The following AFF1 variants were observed in gnomAD, a reference collection of about 807,000 sequenced individuals.
The protein encoded by AFF1 is ALF transcription elongation factor 1, also known as AF4/FMR2 family member 1.
Under a neutral mutation model 121.7 loss-of-function variants are expected in AFF1, and 48 were observed. The observed-to-expected ratio is 0.39, with a 90% confidence interval of 0.31 to 0.50. The LOEUF (loss-of-function observed/expected upper bound fraction) is 0.50. Ranked by LOEUF, AFF1 falls within the 20% of genes least tolerant of loss-of-function variation. The probability of loss-of-function intolerance (pLI) is 0.76; values close to 1 mark genes in which losing one functional copy is unlikely to be tolerated. For synonymous variants in AFF1, 613 were observed against 563.0 expected, an observed-to-expected ratio of 1.09 and a Z score of -1.26; for missense variants, 1,523 against 1,511.7, an observed-to-expected ratio of 1.01 and a Z score of -0.12.
chr4:86,989,054 T>G (rs976547589), intron 2 of AFF1, among the ~76,000 whole-genome samples: 2 of 152,136 alleles, frequency 1.3e-5, no homozygotes, highest in Non-Finnish European at 2.9e-5. Flanking sequence ...GATTAAAGAC[T>G]TAAACATAAG....
At chr4:86,994,649 T>C (rs10015544) in intron 2 of AFF1, among the ~76,000 whole-genome samples, 6,303 of 152,276 alleles carry the variant, frequency 0.041, 173 homozygotes, top group Middle Eastern at 0.1. Flanking sequence ...TGACTTGATA[T>C]GCATGAGAAC....
intron 5 of AFF1, 128 bp downstream of exon 5, chr4:87,084,292 A>C: frequency 4.0e-6 from 4 of 989,008 alleles, no homozygotes; most frequent in Non-Finnish European, 6.2e-6. Flanking sequence ...TAATCCTAGC[A>C]CTTTGGGAGG....
chr4:87,132,442 A>T, intron 19 of AFF1, 34 bp downstream of exon 19: 1 of 1,560,490 alleles, frequency 6.4e-7, no homozygotes, highest in Non-Finnish European at 8.6e-7. Context: ...AATTTCCAGA[A>T]TTGAGTCATT....
intron 4 of AFF1, among the ~76,000 whole-genome samples, chr4:87,056,970 T>C (rs1161234197): frequency 2.6e-5 from 4 of 152,246 alleles, no homozygotes; most frequent in Non-Finnish European, 5.9e-5. Context: ...TGTCCAAGCT[T>C]CTGGAGGCTT....
chr4:87,070,645 C>G (rs775400206), intron 4 of AFF1, among the ~76,000 whole-genome samples: 55 of 152,254 alleles, frequency 3.6e-4, no homozygotes, highest in African/African-American at 1.3e-3. Flanking sequence ...AAGAAACTTA[C>G]AATTTAAGTC....
At chr4:87,121,995 C>T (rs980233425) in intron 12 of AFF1, among the ~76,000 whole-genome samples, 7 of 152,230 alleles carry the variant, frequency 4.6e-5, no homozygotes, top group African/African-American at 1.7e-4. Context: ...CATTTCACTG[C>T]TAGACTTTGG....
intron 2 of AFF1, among the ~76,000 whole-genome samples, chr4:86,990,321 TAAA>T (rs5860049): frequency 7.6e-5 from 10 of 132,228 alleles, no homozygotes; most frequent in African/African-American, 1.4e-4. Flanking sequence ...TGTCCCTATT[TAAA>T]AAAAAAAAAA....
chr4:87,005,564 A>G (rs548922719), intron 2 of AFF1, among the ~76,000 whole-genome samples: 28 of 152,334 alleles, frequency 1.8e-4, no homozygotes, highest in South Asian at 6.2e-4. Flanking sequence ...ACAGTTTGTG[A>G]ATTGTTCTTT....
chr4:86,972,724 G>C (rs1723031566), intron 2 of AFF1, among the ~76,000 whole-genome samples: 1 of 152,008 alleles, frequency 6.6e-6, no homozygotes, highest in African/African-American at 2.4e-5. Context: ...ATTTTTAGTA[G>C]AGACAGGGTT....
intron 2 of AFF1, among the ~76,000 whole-genome samples, chr4:86,975,927 A>G (rs1414511334): frequency 1.3e-5 from 2 of 152,218 alleles, no homozygotes; most frequent in Admixed American, 6.5e-5. Flanking sequence ...GAGGGTCAGG[A>G]TTGGCCTCTT....
intron 11 of AFF1, among the ~76,000 whole-genome samples, chr4:87,110,898 A>C (rs1726431918): frequency 6.6e-6 from 1 of 152,194 alleles, no homozygotes; most frequent in South Asian, 2.1e-4. Context: ...ACGCAGAGGA[A>C]GAAATGAAAG....
At chr4:87,131,394 A>G (rs1457625253) in intron 17 of AFF1, among the ~76,000 whole-genome samples, 175 bp downstream of exon 17, 1 of 152,248 alleles carries the variant, frequency 6.6e-6, no homozygotes, top group African/African-American at 2.4e-5. Context: ...AAGTGCTAGC[A>G]CAGAATAACT....
intron 2 of AFF1, among the ~76,000 whole-genome samples, chr4:87,041,862 A>G (rs1227010753): frequency 6.6e-6 from 1 of 152,098 alleles, no homozygotes; most frequent in African/African-American, 2.4e-5. Flanking sequence ...TAAAAATACA[A>G]AAATTAGCCA....
intron 4 of AFF1, among the ~76,000 whole-genome samples, chr4:87,062,594 A>C (rs1720895687): frequency 6.6e-6 from 1 of 152,214 alleles, no homozygotes; most frequent in Non-Finnish European, 1.5e-5. Flanking sequence ...TACAATACCA[A>C]GTCCAATAGC....
At chr4:86,963,192 C>T (rs1486137978) in intron 2 of AFF1, among the ~76,000 whole-genome samples, 1 of 122,270 alleles carries the variant, frequency 8.2e-6, no homozygotes, top group Non-Finnish European at 1.7e-5. Flanking sequence ...AAAAAAAAAG[C>T]ATAGATAACT....
At chr4:87,060,361 G>C (rs1379866786) in intron 4 of AFF1, among the ~76,000 whole-genome samples, 1 of 152,178 alleles carries the variant, frequency 6.6e-6, no homozygotes, top group Admixed American at 6.5e-5. Context: ...TAGCATGTGT[G>C]TGTGTATATA....
chr4:86,936,085 C>T (rs1719967417), intron 1 of AFF1: 1 of 152,208 alleles, frequency 6.6e-6, no homozygotes, highest in Non-Finnish European at 1.5e-5. Context: ...TTCTCCACCA[C>T]CAGCACCCGC....
At chr4:87,076,737 T>C (rs1263630008) in intron 4 of AFF1, among the ~76,000 whole-genome samples, 1 of 152,212 alleles carries the variant, frequency 6.6e-6, no homozygotes, top group Non-Finnish European at 1.5e-5. Context: ...AAAATGTTTA[T>C]CCTAAAATTC....
At chr4:86,987,742 C>T (rs1003954960) in intron 2 of AFF1, among the ~76,000 whole-genome samples, 3 of 152,038 alleles carry the variant, frequency 2.0e-5, no homozygotes, top group Admixed American at 2.0e-4. Flanking sequence ...TACTTGAGGC[C>T]AGGAGTTTGA....
Sources: gnomAD v4.1 joint callset for allele counts (sites outside exome capture counted in the v4.1 genomes callset) on GRCh38, gnomAD v4.1.1 for gene constraint, MANE v1.5 for transcripts, NCBI Gene and HGNC (gene_info 2026-07-23, HGNC 2026-07-21) for gene names.